Variants in GRIA4 observed in about 807,000 individuals in gnomAD.
The protein encoded by GRIA4 is glutamate receptor 4.
In GRIA4, 34 loss-of-function variants were observed where a neutral mutation model predicts 104.0. The ratio of observed to expected loss-of-function variants is 0.33; its 90% CI spans 0.25 to 0.44. The LOEUF is 0.44. Ranked by LOEUF, GRIA4 falls within the 20% of genes least tolerant of loss-of-function variation. The pLI is 1.00. For missense variants in GRIA4, 750 were observed against 1,096.5 expected (o/e 0.68, Z 4.46); for synonymous variants, 386 against 381.9 (o/e 1.01, Z -0.13).
chr11:105,837,469 C>A (rs1944236018), intron 4 of GRIA4, among the ~76,000 whole-genome samples: 1 of 152,104 alleles, frequency 6.6e-6, no homozygotes, highest in Non-Finnish European at 1.5e-5. Context: ...GAATAAGGAG[C>A]ACAGTGTAGA....
intron 4 of GRIA4, among the ~76,000 whole-genome samples, chr11:105,846,347 GT>G (rs765001266): frequency 6.6e-6 from 1 of 152,050 alleles, no homozygotes; most frequent in Non-Finnish European, 1.5e-5. Flanking sequence ...GGAGGAAGAG[GT>G]ATTGATTAAA....
chr11:105,645,439 C>A (rs912142139), intron 3 of GRIA4, among the ~76,000 whole-genome samples: 6 of 152,160 alleles, frequency 3.9e-5, no homozygotes, highest in Admixed American at 6.5e-5. Flanking sequence ...AATAAAGCAA[C>A]AAGTTCAAAG....
At chr11:105,649,627 T>A (rs555869950) in intron 3 of GRIA4, among the ~76,000 whole-genome samples, 19 of 152,262 alleles carry the variant, frequency 1.2e-4, no homozygotes, top group African/African-American at 4.1e-4. Context: ...AACAAATTAG[T>A]AATTCTTTTA....
chr11:105,899,077 C>A (rs920543160), intron 7 of GRIA4, among the ~76,000 whole-genome samples: 19 of 152,288 alleles, frequency 1.2e-4, no homozygotes, highest in Admixed American at 7.8e-4. Flanking sequence ...TCATCATTTG[C>A]TAATCTTTTA....
intron 4 of GRIA4, among the ~76,000 whole-genome samples, chr11:105,753,596 C>T: frequency 6.6e-6 from 1 of 152,192 alleles, no homozygotes; most frequent in South Asian, 2.1e-4. Flanking sequence ...CCAGAGCACA[C>T]ATGTACTTCC....
intron 14 of GRIA4, among the ~76,000 whole-genome samples, chr11:105,966,817 C>G (rs916066241): frequency 5.3e-5 from 8 of 152,082 alleles, no homozygotes; most frequent in Non-Finnish European, 1.2e-4. Flanking sequence ...TTAAAGAAAA[C>G]AGTTCATGGA....
At chr11:105,690,504 A>G (rs769194216) in intron 3 of GRIA4, among the ~76,000 whole-genome samples, 6 of 152,210 alleles carry the variant, frequency 3.9e-5, no homozygotes, top group Non-Finnish European at 7.3e-5. Context: ...ATAGGGGTGC[A>G]GTACTCTTAA....
At chr11:105,865,330 T>C (rs1290468600) in intron 5 of GRIA4, among the ~76,000 whole-genome samples, 1 of 152,244 alleles carries the variant, frequency 6.6e-6, no homozygotes, top group Admixed American at 6.5e-5. Context: ...ATTGGAATTT[T>C]GGCTCTCTAA....
chr11:105,924,770 GT>G lies in GRIA4; in HGVS notation c.1847+3del. 1 of 1,593,152 alleles carries G rather than the reference GT, an allele frequency of 6.3e-7. No individual in the cohort carries two copies. The highest frequency in any genetic ancestry group is 8.6e-7 in the Non-Finnish European group (1 of 1,169,176). ...AGCAAGGATGTGACATTTCACCCAG[GT>G]TAGTTTCAAATCTCTTAAGTTCTTC... On this transcript the variant is annotated splice_donor_variant, in intron 12 of 16. Transcript: ENST00000282499. LOFTEE classifies it high-confidence loss of function.
At chr11:105,933,488 C>T (rs946932235) in intron 13 of GRIA4, among the ~76,000 whole-genome samples, 1 of 151,984 alleles carries the variant, frequency 6.6e-6, no homozygotes, top group Non-Finnish European at 1.5e-5. Context: ...GAGGTTTGGG[C>T]TTCTTCAGAT....
intron 4 of GRIA4, among the ~76,000 whole-genome samples, chr11:105,840,584 C>A (rs1280734562): frequency 6.6e-6 from 1 of 152,194 alleles, no homozygotes; most frequent in African/African-American, 2.4e-5. Flanking sequence ...ATATTGGTGG[C>A]ACAGTGCCAT....
chr11:105,681,049 A>G (rs765716607), intron 3 of GRIA4, among the ~76,000 whole-genome samples: 4 of 152,192 alleles, frequency 2.6e-5, no homozygotes, highest in Non-Finnish European at 5.9e-5. Flanking sequence ...TAGTACTGGT[A>G]TACTTCTAAC....
chr11:105,628,429 C>A (rs1950944579), intron 3 of GRIA4, among the ~76,000 whole-genome samples: 1 of 151,976 alleles, frequency 6.6e-6, no homozygotes, highest in Non-Finnish European at 1.5e-5. Flanking sequence ...TCCTATAATC[C>A]CCATGTGTCG....
intron 5 of GRIA4, among the ~76,000 whole-genome samples, chr11:105,876,423 A>G (rs141708098): frequency 9.7e-4 from 147 of 152,290 alleles, no homozygotes; most frequent in African/African-American, 3.2e-3. Flanking sequence ...GTAGATGTCT[A>G]TTAGGTCCAC....
At chr11:105,763,431 T>A (rs1026927330) in intron 4 of GRIA4, among the ~76,000 whole-genome samples, 1 of 152,198 alleles carries the variant, frequency 6.6e-6, no homozygotes, top group African/African-American at 2.4e-5. Flanking sequence ...AAGTCTGTAA[T>A]GTAAATAGAC....
chr11:105,689,932 T>A (rs1047713017), intron 3 of GRIA4, among the ~76,000 whole-genome samples: 27 of 152,292 alleles, frequency 1.8e-4, no homozygotes, highest in African/African-American at 6.0e-4. Flanking sequence ...GCTTAGTCCA[T>A]CTCCATTGAA....
intron 4 of GRIA4, among the ~76,000 whole-genome samples, chr11:105,837,319 G>A (rs1444325698): frequency 1.3e-5 from 2 of 152,070 alleles, no homozygotes; most frequent in Non-Finnish European, 2.9e-5. Flanking sequence ...GTTAAAATTA[G>A]TGCTTCCTCA....
chr11:105,831,448 C>T (rs774695277), intron 4 of GRIA4, among the ~76,000 whole-genome samples: 25 of 151,882 alleles, frequency 1.6e-4, no homozygotes, highest in Admixed American at 4.6e-4. Flanking sequence ...CATGAGCATA[C>T]GGGAAAAGGA....
At chr11:105,717,977 T>C (rs892831463) in intron 3 of GRIA4, among the ~76,000 whole-genome samples, 1 of 150,330 alleles carries the variant, frequency 6.7e-6, no homozygotes, top group Non-Finnish European at 1.5e-5. Flanking sequence ...CAGTAAACTA[T>C]GCAAGAACAA....
Sources: allele counts gnomAD v4.1 joint callset (sites outside exome capture counted in the v4.1 genomes callset), GRCh38; gene constraint gnomAD v4.1.1; transcripts MANE v1.5; gene names NCBI Gene and HGNC (gene_info 2026-07-23, HGNC 2026-07-21).